Variants in CNNM2 observed in about 807,000 individuals in gnomAD.
CNNM2 encodes metal transporter CNNM2.
A neutral mutation model predicts 66.9 loss-of-function variants in CNNM2; 12 were observed. The ratio of observed to expected loss-of-function variants is 0.18; its 90% CI spans 0.11 to 0.29. The LOEUF (loss-of-function observed/expected upper bound fraction) is 0.29. Ranked by LOEUF, CNNM2 falls within the 10% of genes least tolerant of loss-of-function variation. The probability of loss-of-function intolerance (pLI) is 1.00; values close to 1 mark genes in which losing one functional copy is unlikely to be tolerated. For synonymous variants in CNNM2, 557 were observed against 501.8 expected (o/e 1.11, Z -1.47); for missense variants, 705 against 1,167.7 (o/e 0.60, Z 5.77).
rs762746568 is a variant in CNNM2, at chr10:103,089,009, T to A, written c.*11829T>A. 1 of 211,938 alleles carries A rather than the reference T, an allele frequency of 4.7e-6. No individual in the cohort carries two copies. The highest frequency in any genetic ancestry group is 9.6e-6 in the Non-Finnish European group (1 of 104,502). 13.1% of individuals were successfully genotyped at this position (211,938 alleles called of 1,614,324 possible). A position where few individuals can be genotyped will look rare whatever the true frequency, so the allele number is the denominator to read the frequency against. Reference sequence around the variant, plus strand: ...GTTGTTTTTGGATAACAAATAAGCATTTGTGCTATTAAACAAACAAAAGGT... The same window carrying A: ...GTTGTTTTTGGATAACAAATAAGCAATTGTGCTATTAAACAAACAAAAGGT... On this transcript the variant is annotated 3_prime_UTR_variant, in exon 8 of 8. Coordinates refer to ENST00000369878, the MANE Select transcript of CNNM2 (RefSeq NM_017649.5).
At chr10:103,049,990 G>A (rs1213977847) in intron 2 of CNNM2, 140 bp downstream of exon 2, 3 of 730,662 alleles carry the variant, frequency 4.1e-6, no homozygotes, top group East Asian at 5.4e-5. Flanking sequence ...CAACCTGTTG[G>A]TATATTCCAG....
At chr10:103,059,556 T>A (rs2134346051) in intron 4 of CNNM2, among the ~76,000 whole-genome samples, 1 of 152,308 alleles carries the variant, frequency 6.6e-6, no homozygotes, top group South Asian at 2.1e-4. Context: ...AACTTCAAGT[T>A]TTATCTGTAA....
chr10:102,921,608 G>T (rs1845641470), intron 1 of CNNM2, among the ~76,000 whole-genome samples: 1 of 152,058 alleles, frequency 6.6e-6, no homozygotes, highest in South Asian at 2.1e-4. Context: ...TTCTTTTGGG[G>T]GTGTCATTCT....
chr10:102,980,731 A>G (rs2063706945), intron 1 of CNNM2, among the ~76,000 whole-genome samples: 1 of 152,300 alleles, frequency 6.6e-6, no homozygotes, highest in South Asian at 2.1e-4. Context: ...CCTTAGAGAA[A>G]TGTTCCCTAA....
chr10:103,067,192 T>C (rs1214893047), intron 4 of CNNM2, among the ~76,000 whole-genome samples: 4 of 151,534 alleles, frequency 2.6e-5, no homozygotes, highest in African/African-American at 9.7e-5. Context: ...CAGGTTCAAG[T>C]AATCCTCCCA....
At chr10:102,946,961 C>T (rs1403753736) in intron 1 of CNNM2, among the ~76,000 whole-genome samples, 2 of 152,176 alleles carry the variant, frequency 1.3e-5, no homozygotes, top group Non-Finnish European at 2.9e-5. Flanking sequence ...CCTTCAAATA[C>T]AATTCTGCAT....
chr10:103,001,646 C>T (rs1186559358), intron 1 of CNNM2, among the ~76,000 whole-genome samples: 1 of 152,020 alleles, frequency 6.6e-6, no homozygotes, highest in Non-Finnish European at 1.5e-5. Context: ...GAAATAGACC[C>T]CTTCCTTATA....
intron 1 of CNNM2, chr10:103,027,589 T>G (rs541918247): frequency 6.6e-6 from 1 of 152,226 alleles, no homozygotes; most frequent in African/African-American, 2.4e-5. Flanking sequence ...TAAGCCTACA[T>G]AGGATTGAAT....
intron 1 of CNNM2, among the ~76,000 whole-genome samples, chr10:103,016,108 C>A (rs920486879): frequency 6.6e-6 from 1 of 152,098 alleles, no homozygotes; most frequent in African/African-American, 2.4e-5. Flanking sequence ...AGATCTAGCC[C>A]CATCTAGATT....
chr10:102,972,407 C>CA (rs932123709), intron 1 of CNNM2, among the ~76,000 whole-genome samples: 2 of 152,104 alleles, frequency 1.3e-5, no homozygotes, highest in African/African-American at 4.8e-5. Context: ...GAGGCCGAGG[C>CA]AGGCGAATCA....
intron 1 of CNNM2, among the ~76,000 whole-genome samples, chr10:103,037,178 G>T (rs2064956451): frequency 6.6e-6 from 1 of 151,010 alleles, no homozygotes. Flanking sequence ...TTTCCTAATT[G>T]ATCTTTTTAA....
chr10:102,962,168 G>A (rs1350282490), intron 1 of CNNM2, among the ~76,000 whole-genome samples: 1 of 152,044 alleles, frequency 6.6e-6, no homozygotes, highest in African/African-American at 2.4e-5. Flanking sequence ...GGCCTGTCCC[G>A]GGGGGTGGTG....
intron 1 of CNNM2, among the ~76,000 whole-genome samples, chr10:102,934,939 A>G (rs1846181855): frequency 6.6e-6 from 1 of 151,678 alleles, no homozygotes; most frequent in Non-Finnish European, 1.5e-5. Flanking sequence ...AGGGCCAATC[A>G]CCTGAGGTCA....
chr10:102,932,725 C>T (rs931673325), intron 1 of CNNM2, among the ~76,000 whole-genome samples: 2 of 152,022 alleles, frequency 1.3e-5, no homozygotes, highest in Non-Finnish European at 2.9e-5. Context: ...CAAGACCAGC[C>T]TGGCCAACAT....
At chr10:102,952,059 T>G (rs2134192606) in intron 1 of CNNM2, among the ~76,000 whole-genome samples, 1 of 152,074 alleles carries the variant, frequency 6.6e-6, no homozygotes, top group East Asian at 1.9e-4. Flanking sequence ...CACCTCGGCC[T>G]CCCAAAGTTC....
At chr10:102,988,881 T>C (rs1417292174) in intron 1 of CNNM2, among the ~76,000 whole-genome samples, 1 of 152,194 alleles carries the variant, frequency 6.6e-6, no homozygotes, top group South Asian at 2.1e-4. Context: ...AACTTTCTCC[T>C]TAGTTGCTCT....
chr10:102,988,070 G>T (rs908247307), intron 1 of CNNM2, among the ~76,000 whole-genome samples: 2 of 152,024 alleles, frequency 1.3e-5, no homozygotes, highest in South Asian at 2.1e-4. Flanking sequence ...AGGCCGAGGC[G>T]GGTGGATCAC....
In CNNM2 at chr10:103,087,559, C is replaced by T. The variant is rs1481172064; in HGVS notation, c.*10379C>T. The stretch of plus-strand genomic sequence containing the variant: ...AATTAAAGCAAAGCAATCATGTGGT[C>T]CTTACTCTAAAAGAGACAATATGTA... On this transcript the variant is annotated 3_prime_UTR_variant, in exon 8 of 8. Transcript: ENST00000369878. 1 of 152,116 alleles carries T rather than the reference C, an allele frequency of 6.6e-6. No homozygotes were observed. Among genetic ancestry groups the T allele is most frequent in the African/African-American group, 2.4e-5 (1 of 41,412 alleles). 9.4% of individuals were successfully genotyped at this position (152,116 alleles called of 1,614,324 possible).
Position 102,928,281 on chromosome 10 carries a change from G to A in CNNM2, c.1621+8180G>A, listed in dbSNP as rs139203564. ...TGCTGTAACAAAATACCACAGACTG[G>A]GTAACTTAAAAATAATAGAAGGTGG... On this transcript the variant is annotated intron_variant, in intron 1 of 7. Transcript: ENST00000369878. Among the ~76,000 whole-genome samples, 2,326 of 152,230 alleles carry A rather than the reference G, an allele frequency of 0.015. 33 individuals are homozygous for A. The highest frequency in any genetic ancestry group is 0.024 in the Non-Finnish European group (1,608 of 68,012).
Sources: gnomAD v4.1 joint callset for allele counts (sites outside exome capture counted in the v4.1 genomes callset) on GRCh38, gnomAD v4.1.1 for gene constraint, MANE v1.5 for transcripts, NCBI Gene and HGNC (gene_info 2026-07-23, HGNC 2026-07-21) for gene names.